ZNF891: variants seen among roughly 807,000 people sequenced by gnomAD.
The protein encoded by ZNF891 is zinc finger protein 891, also known as hCG1646157.
For missense variants in ZNF891, 589 were observed against 632.7 expected, an observed-to-expected ratio of 0.93 and a Z score of 0.74; for synonymous variants, 199 against 209.0, an observed-to-expected ratio of 0.95 and a Z score of 0.41.
In ZNF891 at chr12:133,105,845, G is replaced by T. The variant is rs1031667691; in HGVS notation, c.*14439C>A. 2 of 1,614,182 alleles carry T rather than the reference G, an allele frequency of 1.2e-6. No homozygotes were observed. The highest frequency in any genetic ancestry group is 8.5e-7 in the Non-Finnish European group (1 of 1,180,036). On this transcript the variant is annotated 3_prime_UTR_variant, in exon 2 of 2. Coordinates refer to ENST00000537226, the MANE Select transcript of ZNF891 (RefSeq NM_001277291.2). ...GACTCATACTGGAGAGAAACCATAT[G>T]CATGTAAGGAATGTGGCAAAACCTT...
intron 1 of ZNF891, among the ~76,000 whole-genome samples, chr12:133,123,317 TG>T (rs1194034432): frequency 3.9e-5 from 6 of 152,180 alleles, no homozygotes; most frequent in Non-Finnish European, 5.9e-5. Flanking sequence ...CCTCAGCCCA[TG>T]GCAGAAACTC....
In ZNF891 at chr12:133,115,060, A is replaced by C. The variant is rs564063147; in HGVS notation, c.*5224T>G. ...TAATCAAATACTAAGCAGCTATTAC[A>C]AATGAAATAGAACTACATGCACTGA... is the stretch of plus-strand genomic sequence containing the variant. On this transcript the variant is annotated 3_prime_UTR_variant, in exon 2 of 2. Coordinates refer to ENST00000537226, the MANE Select transcript of ZNF891 (RefSeq NM_001277291.2). 1 of 152,322 alleles carries C rather than the reference A, an allele frequency of 6.6e-6. No homozygotes were observed. Among genetic ancestry groups the C allele is most frequent in the African/African-American group, 2.4e-5 (1 of 41,584 alleles). 9.4% of individuals were successfully genotyped at this position (152,322 alleles called of 1,614,324 possible).
chr12:133,118,372 C>T lies in ZNF891; in HGVS notation c.*1912G>A, dbSNP rs1170349182. 6.6e-6 allele frequency: 1 copy of T among 152,144 alleles called. No individual in the cohort carries two copies. Among genetic ancestry groups the T allele is most frequent in the Non-Finnish European group, 1.5e-5 (1 of 68,042 alleles). The allele number at this position is 152,144 out of a possible 1,614,324, so 9.4% of individuals were successfully genotyped here. A position where few individuals can be genotyped will look rare whatever the true frequency, so the allele number is the denominator to read the frequency against. On this transcript the variant is annotated 3_prime_UTR_variant, in exon 2 of 2. Transcript: ENST00000537226. The stretch of plus-strand genomic sequence containing the variant: ...GGGTAGGTGGCAGACCTTCCCTTTT[C>T]ATTCTTACTCACCTTCCAAAGCCTG...
chr12:133,106,251 C>A lies in ZNF891; in HGVS notation c.*14033G>T, dbSNP rs762269526. The A allele has an allele frequency of 1.2e-6, 2 of 1,614,136 alleles. No homozygotes were observed. Among genetic ancestry groups the A allele is most frequent in the African/African-American group, 2.7e-5 (2 of 75,024 alleles). ...ACTCGACATCAGAGCATCCATACAA[C>A]CAAAACCCCGTATGAATGTAATGAA... On this transcript the variant is annotated 3_prime_UTR_variant, in exon 2 of 2. Transcript: ENST00000537226.
Position 133,121,123 on chromosome 12 carries a change from C to CT in ZNF891, c.795dup (p.Glu266ArgfsTer6). ...ATTCCATGTTTAGAATATGTGTACT[C>CT]TTTTTGTACTGTTTGATTTCTCTGA... On this transcript the variant is annotated frameshift_variant, in exon 2 of 2. Transcript: ENST00000537226. LOFTEE classifies it low-confidence loss of function (END_TRUNC). The CT allele has an allele frequency of 6.5e-7, 1 of 1,535,376 alleles. No homozygotes were observed. The highest frequency in any genetic ancestry group is 2.4e-5 in the East Asian group (1 of 40,884).
rs1955708601 is a variant in ZNF891 at position 133,115,202 on chromosome 12, T to A, written c.*5082A>T. 1 of 152,032 alleles carries A rather than the reference T, an allele frequency of 6.6e-6. No homozygotes were observed. The highest frequency in any genetic ancestry group is 1.5e-5 in the Non-Finnish European group (1 of 68,022). The allele number at this position is 152,032 out of a possible 1,614,324, so 9.4% of individuals were successfully genotyped here. A position where few individuals can be genotyped will look rare whatever the true frequency, so the allele number is the denominator to read the frequency against. On this transcript the variant is annotated 3_prime_UTR_variant, in exon 2 of 2. Coordinates refer to ENST00000537226, the MANE Select transcript of ZNF891 (RefSeq NM_001277291.2). ...TGAGGTTAGGAGTTTGAGACCAGCCTGACCAACATGGAGAAACCCTGTCTC... is the reference window on the plus strand; with the variant it reads ...TGAGGTTAGGAGTTTGAGACCAGCCAGACCAACATGGAGAAACCCTGTCTC...
chr12:133,122,661 A>C (rs1471916874), intron 1 of ZNF891, among the ~76,000 whole-genome samples: 2 of 152,216 alleles, frequency 1.3e-5, no homozygotes, highest in Non-Finnish European at 2.9e-5. Context: ...TACCTAGGCG[A>C]TGGGTTGATA....
chr12:133,121,973 C>T lies in ZNF891; in HGVS notation c.-55G>A. 1 of 1,448,916 alleles carries T rather than the reference C, an allele frequency of 6.9e-7. No homozygotes were observed. Among genetic ancestry groups the T allele is most frequent in the South Asian group, 1.5e-5 (1 of 68,778 alleles). The allele number at this position is 1,448,916 out of a possible 1,614,324, so 89.8% of individuals were successfully genotyped here. A position where few individuals can be genotyped will look rare whatever the true frequency, so the allele number is the denominator to read the frequency against. On this transcript the variant is annotated 5_prime_UTR_variant, in exon 2 of 2. Transcript: ENST00000537226. ...GTAGAGAGATCAGGATGTTTCTGTT[C>T]TTGTGTCTCCAATCCAGTCACAGGA...
Position 133,120,323 on chromosome 12 carries a change from A to T in ZNF891, c.1596T>A (p.Ile532=), listed in dbSNP as rs781580195. 1 of 1,556,668 alleles carries T rather than the reference A, an allele frequency of 6.4e-7. No homozygotes were observed. The highest frequency in any genetic ancestry group is 1.9e-5 in the Admixed American group (1 of 52,140). ...GKAFSQSSSL[I]IHKRIHTERE... Reference sequence around the variant, plus strand: ...TCTCAGTATGAATTCTCTTGTGTATAATAAGTGAAGAGCTCTGACTGAAGG... The same window carrying T: ...TCTCAGTATGAATTCTCTTGTGTATTATAAGTGAAGAGCTCTGACTGAAGG... Residue 532 remains isoleucine (I), a synonymous_variant, in exon 2 of 2, where the codon ATT becomes ATA. Coordinates refer to ENST00000537226, the MANE Select transcript of ZNF891 (RefSeq NM_001277291.2).
In ZNF891 at chr12:133,117,776, TTTA is replaced by T. The variant is rs1293343594; in HGVS notation, c.*2505_*2507del. On this transcript the variant is annotated 3_prime_UTR_variant, in exon 2 of 2. Coordinates refer to ENST00000537226, the MANE Select transcript of ZNF891 (RefSeq NM_001277291.2). The stretch of plus-strand genomic sequence containing the variant: ...ACATCCAGTCTTTACTTCTTTGCCC[TTTA>T]TTGATTCCTAAAGTCAGCCCAATCT... The T allele has an allele frequency of 6.6e-6, 1 of 152,254 alleles. No individual in the cohort carries two copies. Among genetic ancestry groups the T allele is most frequent in the African/African-American group, 2.4e-5 (1 of 41,468 alleles). 9.4% of individuals were successfully genotyped at this position (152,254 alleles called of 1,614,324 possible).
In ZNF891 at chr12:133,110,850, G is replaced by A. The variant is rs998103133; in HGVS notation, c.*9434C>T. ...CCTGTAATCCAAGCTACTCATGGAG[G>A]CTGAGGCATGGAGAATCACTTGAAC... On this transcript the variant is annotated 3_prime_UTR_variant, in exon 2 of 2. Transcript: ENST00000537226. The A allele has an allele frequency of 2.6e-5, 4 of 152,386 alleles. No homozygotes were observed. Among genetic ancestry groups the A allele is most frequent in the Admixed American group, 1.3e-4 (2 of 15,306 alleles). 9.4% of individuals were successfully genotyped at this position (152,386 alleles called of 1,614,324 possible). A position where few individuals can be genotyped will look rare whatever the true frequency, so the allele number is the denominator to read the frequency against.
In ZNF891 at chr12:133,107,839, A is replaced by C. The variant is rs945064137; in HGVS notation, c.*12445T>G. 2.0e-5 allele frequency: 3 copies of C among 152,226 alleles called. No individual in the cohort carries two copies. The highest frequency in any genetic ancestry group is 7.2e-5 in the African/African-American group (3 of 41,462). The allele number at this position is 152,226 out of a possible 1,614,324, so 9.4% of individuals were successfully genotyped here. A position where few individuals can be genotyped will look rare whatever the true frequency, so the allele number is the denominator to read the frequency against. On this transcript the variant is annotated 3_prime_UTR_variant, in exon 2 of 2. Transcript: ENST00000537226. ...GAAGGTAAGCAATTTTATTTTGTAG[A>C]AAGAGAGGTAGAGAATATGAATAGG...
In ZNF891 at chr12:133,110,249, G is replaced by A. The variant is rs1251177942; in HGVS notation, c.*10035C>T. On this transcript the variant is annotated 3_prime_UTR_variant, in exon 2 of 2. Coordinates refer to ENST00000537226, the MANE Select transcript of ZNF891 (RefSeq NM_001277291.2). ...GAAAGGAGGGAGACGTTTAAAAGAT[G>A]AGTCTAGGAATATTGCAAAAGTAGT... is the stretch of plus-strand genomic sequence containing the variant. 1.3e-5 allele frequency: 2 copies of A among 152,210 alleles called. No individual in the cohort carries two copies. Among genetic ancestry groups the A allele is most frequent in the African/African-American group, 4.8e-5 (2 of 41,454 alleles). 9.4% of individuals were successfully genotyped at this position (152,210 alleles called of 1,614,324 possible).
At chr12:133,126,760 T>A (rs958691543) in intron 1 of ZNF891, among the ~76,000 whole-genome samples, 4 of 149,828 alleles carry the variant, frequency 2.7e-5, no homozygotes, top group Non-Finnish European at 5.9e-5. Context: ...GAGGCTGCAG[T>A]GAGCCGAGAT....
chr12:133,126,496 A>AT (rs1209221811), intron 1 of ZNF891, among the ~76,000 whole-genome samples: 1 of 145,574 alleles, frequency 6.9e-6, no homozygotes. Context: ...AAAAAAAAAG[A>AT]TAAACTTAAG....
chr12:133,105,208 C>T lies in ZNF891; in HGVS notation c.*15076G>A, dbSNP rs907231720. On this transcript the variant is annotated 3_prime_UTR_variant, in exon 2 of 2. Coordinates refer to ENST00000537226, the MANE Select transcript of ZNF891 (RefSeq NM_001277291.2). ...TTTAGATAATTCTGGCAGTAAATAC[C>T]GTTTAAATGGTGGTGAAGAAGACTA... is the stretch of plus-strand genomic sequence containing the variant. Among the ~76,000 whole-genome samples the T allele has an allele frequency of 1.1e-4, 17 of 152,182 alleles. No individual in the cohort carries two copies. The highest frequency in any genetic ancestry group is 2.2e-4 in the Non-Finnish European group (15 of 68,014).
In ZNF891 at chr12:133,108,020, T is replaced by TATC. The variant is rs1955650226; in HGVS notation, c.*12261_*12263dup. On this transcript the variant is annotated 3_prime_UTR_variant, in exon 2 of 2. Transcript: ENST00000537226. ...ACATGTACTAGAGTTCTAAATACAT[T>TATC]ATCAGAAGTGTATTTCCTCAAACCT... 6.6e-6 allele frequency: 1 copy of TATC among 152,224 alleles called. No homozygotes were observed. Among genetic ancestry groups the TATC allele is most frequent in the Non-Finnish European group, 1.5e-5 (1 of 68,036 alleles). The allele number at this position is 152,224 out of a possible 1,614,324, so 9.4% of individuals were successfully genotyped here.
rs2137609246 is a variant in ZNF891, at chr12:133,111,694, T to C, written c.*8590A>G. ...TATAATTTTATGTATTTGACATGCA[T>C]TTCTTAAGTTAGAGGTGAATTTAAG... On this transcript the variant is annotated 3_prime_UTR_variant, in exon 2 of 2. Coordinates refer to ENST00000537226, the MANE Select transcript of ZNF891 (RefSeq NM_001277291.2). The C allele has an allele frequency of 6.6e-6, 1 of 152,300 alleles. No individual in the cohort carries two copies. Among genetic ancestry groups the C allele is most frequent in the East Asian group, 1.9e-4 (1 of 5,184 alleles). 9.4% of individuals were successfully genotyped at this position (152,300 alleles called of 1,614,324 possible). A position where few individuals can be genotyped will look rare whatever the true frequency, so the allele number is the denominator to read the frequency against.
chr12:133,129,982 C>A (rs2137631583), intron 1 of ZNF891, among the ~76,000 whole-genome samples: 1 of 152,286 alleles, frequency 6.6e-6, no homozygotes, highest in East Asian at 1.9e-4. Flanking sequence ...GCGTGGCACC[C>A]GCAGCCAGCC....
Sources: allele counts gnomAD v4.1 joint callset (sites outside exome capture counted in the v4.1 genomes callset), GRCh38; gene constraint gnomAD v4.1.1; transcripts MANE v1.5; gene names NCBI Gene and HGNC (gene_info 2026-07-23, HGNC 2026-07-21).